Variants in ARL8B observed in about 807,000 individuals in gnomAD.
ARL8B encodes ADP-ribosylation factor-like protein 8B.
In ARL8B, 9 loss-of-function variants were observed where a neutral mutation model predicts 30.6. That is an observed-to-expected ratio of 0.29 (90% CI 0.18 to 0.51). ARL8B has a LOEUF of 0.51. Ranked by LOEUF, ARL8B falls within the 20% of genes least tolerant of loss-of-function variation. ARL8B has a pLI of 0.97. For synonymous variants in ARL8B, 74 were observed against 76.0 expected (o/e 0.97, Z 0.14); for missense variants, 130 against 227.2 (o/e 0.57, Z 2.75).
At chr3:5,140,512 G>T (rs1473984608) in intron 1 of ARL8B, among the ~76,000 whole-genome samples, 1 of 151,098 alleles carries the variant, frequency 6.6e-6, no homozygotes, top group Non-Finnish European at 1.5e-5. Flanking sequence ...CCAGTCTTGG[G>T]TATGTCTTTA....
chr3:5,127,872 CAAAAAAAAAAAAAAAAAAAAA>C lies in ARL8B; in HGVS notation c.123+5293_123+5313del, dbSNP rs748657502. Among the ~76,000 whole-genome samples the C allele has an allele frequency of 3.8e-4, 4 of 10,594 alleles. No homozygotes were observed. The East Asian group carries it at 0.014, about 37-fold the overall frequency. The allele number at this position is 10,594 out of a possible 152,430, so 7.0% of individuals were successfully genotyped here. The stretch of plus-strand genomic sequence containing the variant: ...TGGGCAACAGAGCGAGACTCCGTCT[CAAAAAAAAAAAAAAAAAAAAA>C]AAAAAAAAGCGGAGGGCCAGGCGCA... On this transcript the variant is annotated intron_variant, in intron 1 of 6. Transcript: ENST00000256496.
At chr3:5,176,823 C>A (rs1404403611) in intron 6 of ARL8B, among the ~76,000 whole-genome samples, 1 of 152,154 alleles carries the variant, frequency 6.6e-6, no homozygotes, top group East Asian at 1.9e-4. Flanking sequence ...ATTTCTACAT[C>A]AGTGGTTCTC....
chr3:5,161,426 T>C (rs1380270067), intron 1 of ARL8B, among the ~76,000 whole-genome samples: 1 of 152,206 alleles, frequency 6.6e-6, no homozygotes, highest in Non-Finnish European at 1.5e-5. Flanking sequence ...GTTTGAGTGG[T>C]TTGCAAAAAA....
chr3:5,147,960 A>C (rs971449941), intron 1 of ARL8B, among the ~76,000 whole-genome samples: 4 of 150,912 alleles, frequency 2.7e-5, no homozygotes, highest in African/African-American at 9.8e-5. Context: ...TTATTCTCTG[A>C]GGTCCTGCAT....
chr3:5,127,872 C>CAAAAAAAAAAA (rs748657502), intron 1 of ARL8B, among the ~76,000 whole-genome samples: 1 of 10,578 alleles, frequency 9.5e-5, no homozygotes, highest in African/African-American at 4.2e-4. Context: ...GACTCCGTCT[C>CAAAAAAAAAAA]AAAAAAAAAA....
At chr3:5,171,380 C>A (rs1470317949) in intron 2 of ARL8B, among the ~76,000 whole-genome samples, 2 of 151,984 alleles carry the variant, frequency 1.3e-5, no homozygotes. Flanking sequence ...GATGGAGTTT[C>A]ACTCTTGTTG....
intron 1 of ARL8B, among the ~76,000 whole-genome samples, chr3:5,125,907 A>T (rs1396919057): frequency 1.3e-5 from 2 of 152,210 alleles, no homozygotes; most frequent in Non-Finnish European, 2.9e-5. Context: ...AAAAAGTCAC[A>T]AAGATAAGGT....
chr3:5,150,927 G>A (rs1461805329), intron 1 of ARL8B, among the ~76,000 whole-genome samples: 1 of 152,028 alleles, frequency 6.6e-6, no homozygotes, highest in African/African-American at 2.4e-5. Flanking sequence ...CAGTGTGTTT[G>A]GTAGTTTGTG....
At position 5,180,598 on chromosome 3, in the gene ARL8B, A is replaced by ATTTT. The variant is rs2054770038; in HGVS notation, c.*1886_*1889dup. On this transcript the variant is annotated 3_prime_UTR_variant, in exon 7 of 7. Transcript: ENST00000256496. ...AAGACATCCAGACGCTATTACCAAC[A>ATTTT]TTTTCCTGTGCATTAACCTCTGCAT... is the stretch of plus-strand genomic sequence containing the variant. 1 of 152,618 alleles carries ATTTT rather than the reference A, an allele frequency of 6.6e-6. No individual in the cohort carries two copies. Among genetic ancestry groups the ATTTT allele is most frequent in the South Asian group, 2.1e-4 (1 of 4,830 alleles). The allele number at this position is 152,618 out of a possible 1,614,324, so 9.5% of individuals were successfully genotyped here.
intron 1 of ARL8B, among the ~76,000 whole-genome samples, chr3:5,155,665 G>A (rs1487320124): frequency 2.9e-5 from 3 of 103,260 alleles, no homozygotes; most frequent in African/African-American, 8.6e-5. Context: ...TTGATTCCCC[G>A]TGCCCCCCCA....
intron 1 of ARL8B, among the ~76,000 whole-genome samples, chr3:5,130,443 A>G (rs1399835621): frequency 6.6e-6 from 1 of 151,756 alleles, no homozygotes; most frequent in Non-Finnish European, 1.5e-5. Flanking sequence ...TAGATTGCAT[A>G]TTCCATAACC....
At chr3:5,177,338 C>A (rs1047965096) in intron 6 of ARL8B, among the ~76,000 whole-genome samples, 3 of 152,164 alleles carry the variant, frequency 2.0e-5, no homozygotes, top group Non-Finnish European at 2.9e-5. Context: ...TTTTGTAGAT[C>A]AGTTCATCTG....
At chr3:5,178,510 A>G (rs2054750276) in intron 6 of ARL8B, among the ~76,000 whole-genome samples, 154 bp from the exon 7 acceptor site, 1 of 152,172 alleles carries the variant, frequency 6.6e-6, no homozygotes, top group South Asian at 2.1e-4. Context: ...TATTCTCTTG[A>G]AGTTCGGGTA....
In ARL8B at chr3:5,137,389, T is replaced by TTCAGAGTA. The variant is rs551839253; in HGVS notation, c.123+14802_123+14809dup. Among the ~76,000 whole-genome samples the TTCAGAGTA allele has an allele frequency of 9.1e-3, 1,379 of 152,054 alleles. 10 individuals carry two copies. Among genetic ancestry groups the TTCAGAGTA allele is most frequent in the Non-Finnish European group, 0.014 (964 of 67,998 alleles). On this transcript the variant is annotated intron_variant, in intron 1 of 6. Transcript: ENST00000256496. The stretch of plus-strand genomic sequence containing the variant: ...CAGAAGGTAATGAAAGTTCCTGAGT[T>TTCAGAGTA]TCAGAGTAGAAGTGTACTGGGCACA...
At chr3:5,147,601 G>C (rs567214489) in intron 1 of ARL8B, among the ~76,000 whole-genome samples, 1 of 152,068 alleles carries the variant, frequency 6.6e-6, no homozygotes, top group Admixed American at 6.5e-5. Flanking sequence ...TTGATTTAAC[G>C]TTTTTCTGAC....
Position 5,141,280 on chromosome 3 carries a change from C to T in ARL8B, c.123+18692C>T, listed in dbSNP as rs55722944. On this transcript the variant is annotated intron_variant, in intron 1 of 6. Transcript: ENST00000256496. ...AAATGGACCACTTAAAATGTTTTCTCACAAATTTCCTTCCTTTTCTATTTA... is the reference window on the plus strand; with the variant it reads ...AAATGGACCACTTAAAATGTTTTCTTACAAATTTCCTTCCTTTTCTATTTA... Among the ~76,000 whole-genome samples the T allele has an allele frequency of 3.3e-3, 508 of 152,294 alleles. 5 individuals carry two copies. Among genetic ancestry groups the T allele is most frequent in the African/African-American group, 0.012 (485 of 41,552 alleles).
intron 1 of ARL8B, among the ~76,000 whole-genome samples, chr3:5,129,756 G>C (rs1158609320): frequency 2.0e-5 from 3 of 152,082 alleles, no homozygotes; most frequent in Non-Finnish European, 4.4e-5. Flanking sequence ...GGTGGCTCAC[G>C]CTTGTAATCT....
intron 1 of ARL8B, among the ~76,000 whole-genome samples, chr3:5,133,490 A>G (rs1353977243): frequency 6.6e-6 from 1 of 152,236 alleles, no homozygotes; most frequent in Non-Finnish European, 1.5e-5. Flanking sequence ...AGTCAGAGGT[A>G]CAGGACAAAG....
intron 1 of ARL8B, among the ~76,000 whole-genome samples, chr3:5,151,862 C>T (rs2054487946): frequency 6.6e-6 from 1 of 151,992 alleles, no homozygotes; most frequent in Admixed American, 6.6e-5. Context: ...GTACCTGGGA[C>T]CACAGGCTCA....
Sources: allele counts gnomAD v4.1 joint callset (sites outside exome capture counted in the v4.1 genomes callset), GRCh38; gene constraint gnomAD v4.1.1; transcripts MANE v1.5; gene names NCBI Gene and HGNC (gene_info 2026-07-23, HGNC 2026-07-21).